The following ANKRD7 variants were observed in gnomAD, a reference collection of about 807,000 sequenced individuals.
The protein encoded by ANKRD7 is ankyrin repeat domain-containing protein 7.
In ANKRD7, 30 loss-of-function variants were observed where a neutral mutation model predicts 30.8. The observed-to-expected ratio is 0.97, with a 90% CI of 0.73 to 1.32. The LOEUF is 1.32. Ranked by LOEUF, ANKRD7 falls within the 40% of genes most tolerant of loss-of-function variation. The pLI is 0.00. For synonymous variants in ANKRD7, 97 were observed against 106.6 expected (o/e 0.91, Z 0.55); for missense variants, 264 against 295.7 (o/e 0.89, Z 0.79).
chr7:118,227,857 T>C, intron 1 of ANKRD7: 2 of 1,327,866 alleles, frequency 1.5e-6, no homozygotes, highest in Non-Finnish European at 2.0e-6. Context: ...AAGTGAAAAC[T>C]ATACAGTTAG....
chr7:118,230,439 AG>A (rs1372655544), intron 1 of ANKRD7, among the ~76,000 whole-genome samples: 2 of 152,010 alleles, frequency 1.3e-5, no homozygotes, highest in Non-Finnish European at 2.9e-5. Flanking sequence ...CTAAAAAAAA[AG>A]GATAGTGACA....
Position 118,240,010 on chromosome 7 carries a change from A to T in ANKRD7, c.*37+12A>T. On this transcript the variant is annotated intron_variant, in intron 6 of 6. Transcript: ENST00000265224. ...GTGACTAAAGGAAGGTAAGATTGCTAACTGGATTAGTGTTTTTTTCTTGTT... is the reference window on the plus strand; with the variant it reads ...GTGACTAAAGGAAGGTAAGATTGCTTACTGGATTAGTGTTTTTTTCTTGTT... The T allele has an allele frequency of 1.4e-6, 2 of 1,434,742 alleles. No homozygotes were observed. The highest frequency in any genetic ancestry group is 2.5e-5 in the East Asian group (1 of 40,166). The allele number at this position is 1,434,742 out of a possible 1,614,324, so 88.9% of individuals were successfully genotyped here.
chr7:118,233,635 T>C (rs1174121675), intron 1 of ANKRD7, among the ~76,000 whole-genome samples: 1 of 152,136 alleles, frequency 6.6e-6, no homozygotes, highest in East Asian at 1.9e-4. Context: ...AGAGTACTTC[T>C]GAGGAGCTAA....
intron 5 of ANKRD7, 170 bp from the exon 6 acceptor site, chr7:118,239,739 G>GA (rs1291315535): frequency 1.1e-5 from 4 of 371,084 alleles, no homozygotes; most frequent in Non-Finnish European, 9.7e-6. Context: ...GGGAGTACAT[G>GA]AAATAAAAGT....
At chr7:118,237,616 C>T (rs1809751765) in intron 5 of ANKRD7, among the ~76,000 whole-genome samples, 1 of 151,754 alleles carries the variant, frequency 6.6e-6, no homozygotes, top group South Asian at 2.1e-4. Context: ...TATTATTCTT[C>T]TTCCACTGCT....
Position 118,234,749 on chromosome 7 carries a change from G to A in ANKRD7, c.343G>A (p.Gly115Ser), listed in dbSNP as rs1809698901. 6.2e-7 allele frequency: 1 copy of A among 1,612,140 alleles called. No individual in the cohort carries two copies. The highest frequency in any genetic ancestry group is 8.5e-7 in the Non-Finnish European group (1 of 1,179,528). The change falls in exon 3 of 7, where the codon GGT becomes AGT. Residue 115 changes from glycine (G) to serine (S), a missense_variant. By Grantham distance (56) the Gly-to-Ser change is moderately conservative. Coordinates refer to ENST00000265224, the MANE Select transcript of ANKRD7 (RefSeq NM_019644.4). ...TTGTGCTACTATTCTTCTAAACTTT[G>A]GTGCAGACCCAGATCTGAGGGATAT... ...EDCATILLNF[G>S]ADPDLRDIRY...
At chr7:118,233,559 C>T (rs1809675157) in intron 1 of ANKRD7, among the ~76,000 whole-genome samples, 1 of 151,942 alleles carries the variant, frequency 6.6e-6, no homozygotes, top group Non-Finnish European at 1.5e-5. Flanking sequence ...AAGTAGTTAT[C>T]TTATTTTTGA....
chr7:118,238,938 G>T (rs964874922), intron 5 of ANKRD7, among the ~76,000 whole-genome samples: 2 of 152,106 alleles, frequency 1.3e-5, no homozygotes, highest in African/African-American at 4.8e-5. Flanking sequence ...CCTTTAAAGG[G>T]GTGATTAAGT....
At chr7:118,233,303 T>C (rs760736053) in intron 1 of ANKRD7, among the ~76,000 whole-genome samples, 1 of 152,000 alleles carries the variant, frequency 6.6e-6, no homozygotes, top group Non-Finnish European at 1.5e-5. Context: ...TAGCTGACTG[T>C]CTTCTTCCTG....
chr7:118,227,790 T>A (rs2115995649), intron 1 of ANKRD7: 1 of 968,780 alleles, frequency 1.0e-6, no homozygotes, highest in Middle Eastern at 4.9e-4. Flanking sequence ...TTAAAATATT[T>A]TTGGGAGTTT....
chr7:118,228,024 G>T (rs753814818), intron 1 of ANKRD7: 42 of 1,304,870 alleles, frequency 3.2e-5, no homozygotes, highest in Admixed American at 2.1e-4. Flanking sequence ...CTTCATTCAG[G>T]GGTCAGTTTT....
chr7:118,234,901 C>T (rs1351377823), intron 3 of ANKRD7, 27 bp downstream of exon 3: 4 of 1,556,610 alleles, frequency 2.6e-6, no homozygotes, highest in South Asian at 1.2e-5. Context: ...GAAAAAAATC[C>T]TGTATTTTAG....
chr7:118,236,640 TG>T (rs1809734939), intron 4 of ANKRD7, 149 bp from the exon 5 acceptor site: 1 of 776,102 alleles, frequency 1.3e-6, no homozygotes, highest in African/African-American at 1.8e-5. Context: ...CACACTTTTT[TG>T]AGCAGATCTG....
chr7:118,234,919 CTGAAGAGCATAT>C, intron 3 of ANKRD7, 45 bp downstream of exon 3: 1 of 1,466,194 alleles, frequency 6.8e-7, no homozygotes, highest in Non-Finnish European at 9.2e-7. Context: ...TAGAAAGCAA[CTGAAGAGCATAT>C]TTCAGATAAT....
At chr7:118,233,490 T>G (rs1463980971) in intron 1 of ANKRD7, among the ~76,000 whole-genome samples, 1 of 152,104 alleles carries the variant, frequency 6.6e-6, no homozygotes, top group Non-Finnish European at 1.5e-5. Context: ...TTGCCATAGA[T>G]GGTAAGTTAT....
rs368253563 is a variant in ANKRD7 at position 118,240,057 on chromosome 7, TAGGAA to T, written c.*37+66_*37+70del. On this transcript the variant is annotated intron_variant, in intron 6 of 6. Coordinates refer to ENST00000265224, the MANE Select transcript of ANKRD7 (RefSeq NM_019644.4). The stretch of plus-strand genomic sequence containing the variant: ...TGTTGCTTTTTATTTGTTAATTTTT[TAGGAA>T]AGGAAACAACTTTCTTAAGTAACAT... 2.3e-3 allele frequency: 2,384 copies of T among 1,035,776 alleles called. 42 individuals carry two copies. The African/African-American group carries it at 0.035, about 15-fold the overall frequency. 64.2% of individuals were successfully genotyped at this position (1,035,776 alleles called of 1,614,324 possible). A position where few individuals can be genotyped will look rare whatever the true frequency, so the allele number is the denominator to read the frequency against.
chr7:118,228,287 T>C (rs1225383512), intron 1 of ANKRD7, among the ~76,000 whole-genome samples: 3 of 152,158 alleles, frequency 2.0e-5, no homozygotes, highest in African/African-American at 7.2e-5. Flanking sequence ...TAAATATATA[T>C]ATTCCAGTGC....
At position 118,242,404 on chromosome 7, in the gene ANKRD7, C is replaced by T. The variant is rs901410183; in HGVS notation, c.*93C>T. ...CGCTTCCTTGAATTGGAAAAATGTA[C>T]TTTGAAAGAACCGTTAAGTGAACTA... On this transcript the variant is annotated 3_prime_UTR_variant, in exon 7 of 7. Transcript: ENST00000265224. 1 of 151,932 alleles carries T rather than the reference C, an allele frequency of 6.6e-6. No homozygotes were observed. The highest frequency in any genetic ancestry group is 6.6e-5 in the Admixed American group (1 of 15,256). The allele number at this position is 151,932 out of a possible 1,614,324, so 9.4% of individuals were successfully genotyped here. A position where few individuals can be genotyped will look rare whatever the true frequency, so the allele number is the denominator to read the frequency against.
At chr7:118,236,538 A>G (rs532538522) in intron 4 of ANKRD7, among the ~76,000 whole-genome samples, 87 of 152,290 alleles carry the variant, frequency 5.7e-4, no homozygotes, top group African/African-American at 2.0e-3. Context: ...TGAAAACACT[A>G]GGCTTCCAGG....
Sources: gnomAD v4.1 joint callset for allele counts (sites outside exome capture counted in the v4.1 genomes callset) on GRCh38, gnomAD v4.1.1 for gene constraint, MANE v1.5 for transcripts, NCBI Gene and HGNC (gene_info 2026-07-23, HGNC 2026-07-21) for gene names.